REEP1: variants seen among roughly 807,000 people sequenced by gnomAD.
REEP1 encodes the protein receptor expression-enhancing protein 1.
A neutral mutation model predicts 40.3 loss-of-function variants in REEP1; 22 were observed. The ratio of observed to expected loss-of-function variants is 0.55; its 90% confidence interval spans 0.39 to 0.78. The LOEUF is 0.78. Among genes scored for constraint, REEP1 ranks in the 30% least tolerant of loss-of-function variants. The pLI, the probability that REEP1 is intolerant of heterozygous loss-of-function variation, is 0.00. For missense variants in REEP1, 280 were observed against 361.1 expected (o/e 0.78, Z 1.82); for synonymous variants, 116 against 139.2 (o/e 0.83, Z 1.17).
chr2:86,251,698 T>G (rs1676281419), intron 5 of REEP1: 6 of 528,270 alleles, frequency 1.1e-5, no homozygotes, highest in Non-Finnish European at 2.1e-5. Flanking sequence ...TTAGAAATTC[T>G]TAACCTGGGA....
At chr2:86,308,676 G>A (rs903869010) in intron 1 of REEP1, among the ~76,000 whole-genome samples, 2 of 152,222 alleles carry the variant, frequency 1.3e-5, no homozygotes, top group African/African-American at 2.4e-5. Context: ...GCTGGAGTGA[G>A]GCTTGAGCGC....
intron 6 of REEP1, 36 bp downstream of exon 6, chr2:86,232,589 A>C: frequency 6.2e-7 from 1 of 1,607,622 alleles, no homozygotes; most frequent in Non-Finnish European, 8.5e-7. Flanking sequence ...GCGAGGCCCA[A>C]GGAGTGGGAA....
intron 2 of REEP1, among the ~76,000 whole-genome samples, chr2:86,270,915 TAAC>T (rs1677408972): frequency 6.6e-6 from 1 of 150,408 alleles, no homozygotes; most frequent in African/African-American, 2.5e-5. Context: ...AAAAAAAAAA[TAAC>T]AAACCCTGAT....
At position 86,217,070 on chromosome 2, in the gene REEP1, C is replaced by T. The variant is rs1424917517; in HGVS notation, c.824G>A (p.Ser275Asn). The T allele has an allele frequency of 1.2e-6, 2 of 1,614,124 alleles. No homozygotes were observed. Among genetic ancestry groups the T allele is most frequent in the African/African-American group, 1.3e-5 (1 of 75,038 alleles). ...RILRSRFRKK[S>N]TSSSATETT Reference sequence around the variant, plus strand: ...GGTTTCGGTGGCCGAGGATGAGGTACTTTTCTTCCTGAAGCGAGATCGAAG... The same window carrying T: ...GGTTTCGGTGGCCGAGGATGAGGTATTTTTCTTCCTGAAGCGAGATCGAAG... Residue 275 changes from serine (S) to asparagine (N), a missense_variant, in exon 9 of 9, where the codon AGT becomes AAT. Transcript: ENST00000538924.
At chr2:86,287,857 T>A (rs894994462) in intron 1 of REEP1, among the ~76,000 whole-genome samples, 3 of 152,204 alleles carry the variant, frequency 2.0e-5, no homozygotes, top group African/African-American at 7.2e-5. Context: ...ACATGAGCCA[T>A]GCATAAACAG....
chr2:86,334,068 A>G (rs1423623392), intron 1 of REEP1, among the ~76,000 whole-genome samples: 2 of 152,188 alleles, frequency 1.3e-5, no homozygotes, highest in African/African-American at 4.8e-5. Flanking sequence ...CTTCAACACA[A>G]CCAACCTTCA....
At chr2:86,291,532 T>A (rs1678692586) in intron 1 of REEP1, among the ~76,000 whole-genome samples, 1 of 152,116 alleles carries the variant, frequency 6.6e-6, no homozygotes, top group Non-Finnish European at 1.5e-5. Flanking sequence ...AGTGAACACA[T>A]ACACAACTCT....
chr2:86,266,641 AAAT>A (rs919392787), intron 2 of REEP1, among the ~76,000 whole-genome samples: 4 of 151,022 alleles, frequency 2.6e-5, no homozygotes, highest in African/African-American at 7.3e-5. Context: ...ATAAAAATAA[AAAT>A]AAAAATAAAA....
intron 7 of REEP1, among the ~76,000 whole-genome samples, chr2:86,225,274 G>C (rs895403950): frequency 6.6e-6 from 1 of 152,134 alleles, no homozygotes; most frequent in African/African-American, 2.4e-5. Flanking sequence ...AGAATCCCCA[G>C]CTTTTTTGTT....
chr2:86,241,919 C>T (rs560923859), intron 5 of REEP1, among the ~76,000 whole-genome samples: 3 of 152,228 alleles, frequency 2.0e-5, no homozygotes, highest in East Asian at 1.9e-4. Context: ...GCGTGGCTTG[C>T]GCAGGAAGAC....
At chr2:86,322,128 T>C (rs769527314) in intron 1 of REEP1, among the ~76,000 whole-genome samples, 2 of 152,128 alleles carry the variant, frequency 1.3e-5, no homozygotes, top group Non-Finnish European at 1.5e-5. Context: ...TGGGAATAAA[T>C]CTAACAAATG....
chr2:86,308,486 C>T (rs373185620), intron 1 of REEP1, among the ~76,000 whole-genome samples: 8 of 152,250 alleles, frequency 5.3e-5, no homozygotes, highest in South Asian at 2.1e-4. Context: ...GCATGGCAGG[C>T]GAAGGTTGCA....
chr2:86,249,610 G>GA (rs1267731659), intron 5 of REEP1, among the ~76,000 whole-genome samples: 2 of 151,512 alleles, frequency 1.3e-5, no homozygotes, highest in African/African-American at 4.9e-5. Flanking sequence ...GCACATCTGA[G>GA]AATCTATTAA....
chr2:86,230,848 C>G (rs915165262), intron 6 of REEP1, among the ~76,000 whole-genome samples: 3 of 152,212 alleles, frequency 2.0e-5, no homozygotes, highest in Non-Finnish European at 4.4e-5. Flanking sequence ...AACTTCACCC[C>G]ACTGGTTCTT....
At chr2:86,273,966 G>A (rs1440268422) in intron 2 of REEP1, among the ~76,000 whole-genome samples, 2 of 152,196 alleles carry the variant, frequency 1.3e-5, no homozygotes, top group Non-Finnish European at 2.9e-5. Flanking sequence ...TACTGAATGA[G>A]TATGTTTCAA....
intron 1 of REEP1, among the ~76,000 whole-genome samples, chr2:86,305,036 T>TA (rs1679420363): frequency 1.3e-5 from 2 of 152,170 alleles, no homozygotes; most frequent in African/African-American, 4.8e-5. Flanking sequence ...TCATTTTTTT[T>TA]TTTTAAGCTT....
Position 86,310,811 on chromosome 2 carries a change from C to T in REEP1, c.32+26668G>A, listed in dbSNP as rs1050670118. Among the ~76,000 whole-genome samples, 5 of 152,076 alleles carry T rather than the reference C, an allele frequency of 3.3e-5. No individual in the cohort carries two copies. The South Asian group carries it at 1.0e-3, about 32-fold the overall frequency. On this transcript the variant is annotated intron_variant, in intron 1 of 8. Coordinates refer to ENST00000538924, the MANE Select transcript of REEP1 (RefSeq NM_001371279.1). ...AGGAAGCAAAAGACAGGCTGTGTGC[C>T]TTCAAAGGACTATGATATAAACTTA...
intron 7 of REEP1, among the ~76,000 whole-genome samples, chr2:86,226,347 C>T (rs1004157556): frequency 2.6e-5 from 4 of 151,972 alleles, no homozygotes; most frequent in Non-Finnish European, 5.9e-5. Flanking sequence ...TTGGCTGCCC[C>T]AGGACCAGAA....
intron 6 of REEP1, among the ~76,000 whole-genome samples, chr2:86,229,666 A>G (rs1203052903): frequency 2.1e-5 from 3 of 143,510 alleles, no homozygotes; most frequent in Non-Finnish European, 4.5e-5. Flanking sequence ...CTGGAGTGCA[A>G]TGGTGCAATC....
Sources: gnomAD v4.1 joint callset for allele counts (sites outside exome capture counted in the v4.1 genomes callset) on GRCh38, gnomAD v4.1.1 for gene constraint, MANE v1.5 for transcripts, NCBI Gene and HGNC (gene_info 2026-07-23, HGNC 2026-07-21) for gene names.